The following LRRC75A variants were observed in gnomAD, a reference collection of about 807,000 sequenced individuals.
LRRC75A encodes the protein leucine-rich repeat-containing protein 75A.
A neutral mutation model predicts 26.0 loss-of-function variants in LRRC75A; 12 were observed. The ratio of observed to expected loss-of-function variants is 0.46; its 90% CI spans 0.30 to 0.75. The LOEUF is 0.75. Among genes scored for constraint, LRRC75A ranks in the 30% least tolerant of loss-of-function variants. The probability of loss-of-function intolerance (pLI) is 0.08; values close to 1 mark genes in which losing one functional copy is unlikely to be tolerated. For missense variants in LRRC75A, 410 were observed against 486.6 expected (o/e 0.84, Z 1.48); for synonymous variants, 223 against 219.3 (o/e 1.02, Z -0.15).
Position 16,443,759 on chromosome 17 carries a change from G to A in LRRC75A, c.864C>T (p.Arg288=). ...PQPFLLSLRK[R]SPKQGHLPTI... ...TGGGTAGGTGGCCCTGCTTTGGGGA[G>A]CGCTTGCGCAGGCTGAGCAGGAAGG... The change falls in exon 4 of 4, where the codon CGC becomes CGT. Residue 288 remains arginine, a synonymous_variant. Transcript: ENST00000470794. 1 of 1,613,782 alleles carries A rather than the reference G, an allele frequency of 6.2e-7. No homozygotes were observed. Among genetic ancestry groups the A allele is most frequent in the Non-Finnish European group, 8.5e-7 (1 of 1,179,728 alleles).
chr17:16,451,935 C>T (rs1568954302), intron 2 of LRRC75A, among the ~76,000 whole-genome samples: 1 of 150,570 alleles, frequency 6.6e-6, no homozygotes, highest in African/African-American at 2.4e-5. Flanking sequence ...TTAGTAGAGA[C>T]GGGGGGTCTC....
At position 16,491,520 on chromosome 17, in the gene LRRC75A, C is replaced by A. The variant is rs564008230; in HGVS notation, c.246+225G>T. 1.3e-5 allele frequency among the ~76,000 whole-genome samples: 2 copies of A among 152,348 alleles called. No individual in the cohort carries two copies. Among genetic ancestry groups the A allele is most frequent in the African/African-American group, 2.4e-5 (1 of 41,596 alleles). On this transcript the variant is annotated intron_variant, in intron 1 of 3. Coordinates refer to ENST00000470794, the MANE Select transcript of LRRC75A (RefSeq NM_001113567.3). This position sits in a 1 kb window ranked among gnomAD's most constrained non-coding sequence, Gnocchi z 5.9. ...GGACATTATGCCAACAGGTCCCCTT[C>A]GGCGGGCCTCACCCGGCCAGCCTTC...
rs140109200 is a variant in LRRC75A at position 16,471,921 on chromosome 17, G to C, written c.247-9535C>G. ...GCAGTTGCTGGGACTGGGGAAGGGG[G>C]AATTCGTGTTGGGTGGGGACAGGGT... On this transcript the variant is annotated intron_variant, in intron 1 of 3. Transcript: ENST00000470794. Among the ~76,000 whole-genome samples the C allele has an allele frequency of 4.3e-3, 652 of 152,258 alleles. 4 individuals are homozygous for C. The highest frequency in any genetic ancestry group is 0.015 in the African/African-American group (619 of 41,556).
chr17:16,455,047 C>T (rs2093665946), intron 2 of LRRC75A, among the ~76,000 whole-genome samples: 1 of 151,800 alleles, frequency 6.6e-6, no homozygotes. Flanking sequence ...ATTCTCCTGG[C>T]TTAGCCTCCC....
At position 16,442,376 on chromosome 17, in the gene LRRC75A, A is replaced by C. The variant is rs1050740100; in HGVS notation, c.*1212T>G. ...AGGCCTGTCAAGAGGGTCCTCCCCC[A>C]TACTGTTTGCCCACAAGGTTCAAGA... On this transcript the variant is annotated 3_prime_UTR_variant, in exon 4 of 4. Coordinates refer to ENST00000470794, the MANE Select transcript of LRRC75A (RefSeq NM_001113567.3). 2 of 152,280 alleles carry C rather than the reference A, an allele frequency of 1.3e-5. No individual in the cohort carries two copies. Among genetic ancestry groups the C allele is most frequent in the Non-Finnish European group, 2.9e-5 (2 of 68,112 alleles). The allele number at this position is 152,280 out of a possible 1,614,324, so 9.4% of individuals were successfully genotyped here. A position where few individuals can be genotyped will look rare whatever the true frequency, so the allele number is the denominator to read the frequency against.
At chr17:16,463,281 G>A (rs2093741834) in intron 1 of LRRC75A, 1 of 152,164 alleles carries the variant, frequency 6.6e-6, no homozygotes, top group Non-Finnish European at 1.5e-5. Context: ...CCTGGGGTGG[G>A]GACTAAACTT....
chr17:16,449,695 C>T (rs1424196742), intron 2 of LRRC75A, among the ~76,000 whole-genome samples: 1 of 152,196 alleles, frequency 6.6e-6, no homozygotes, highest in Non-Finnish European at 1.5e-5. Flanking sequence ...CGGCTCACTG[C>T]AACCTCCGCC....
At chr17:16,477,885 ACTGAGTTTGT>A (rs1043600900) in intron 1 of LRRC75A, among the ~76,000 whole-genome samples, 1 of 152,076 alleles carries the variant, frequency 6.6e-6, no homozygotes, top group African/African-American at 2.4e-5. Context: ...CTCAGTGGTC[ACTGAGTTTGT>A]CTACAGCTTC....
intron 1 of LRRC75A, among the ~76,000 whole-genome samples, chr17:16,472,173 C>G (rs1047308084): frequency 1.3e-5 from 2 of 152,096 alleles, no homozygotes; most frequent in African/African-American, 4.8e-5. Flanking sequence ...GGCAGGATTT[C>G]TGGACCACAA....
intron 2 of LRRC75A, among the ~76,000 whole-genome samples, chr17:16,461,558 G>C (rs2093727603): frequency 6.6e-6 from 1 of 152,238 alleles, no homozygotes; most frequent in Admixed American, 6.5e-5. Context: ...TGCAGATCTG[G>C]AGCCTGGAGA....
At chr17:16,467,626 A>G (rs1357718187) in intron 1 of LRRC75A, among the ~76,000 whole-genome samples, 2 of 152,190 alleles carry the variant, frequency 1.3e-5, no homozygotes, top group South Asian at 2.1e-4. Flanking sequence ...TCCCTGCAAA[A>G]TATCGCAGAC....
chr17:16,479,527 G>C (rs1263334840), intron 1 of LRRC75A, among the ~76,000 whole-genome samples: 3 of 152,236 alleles, frequency 2.0e-5, no homozygotes, highest in Non-Finnish European at 4.4e-5. Flanking sequence ...CAACCAGACA[G>C]GCACCTTCTT....
chr17:16,449,046 A>T (rs2093609872), intron 2 of LRRC75A, among the ~76,000 whole-genome samples: 2 of 152,202 alleles, frequency 1.3e-5, no homozygotes, highest in South Asian at 4.1e-4. Context: ...CCAGGGAGTG[A>T]GGACCAAAAG....
chr17:16,464,164 G>A (rs1317711796), intron 1 of LRRC75A, among the ~76,000 whole-genome samples: 1 of 152,180 alleles, frequency 6.6e-6, no homozygotes, highest in African/African-American at 2.4e-5. Context: ...TTTTCCATAT[G>A]GCAGGAATGA....
intron 1 of LRRC75A, among the ~76,000 whole-genome samples, chr17:16,479,794 T>G (rs2093829410): frequency 6.6e-6 from 1 of 152,212 alleles, no homozygotes; most frequent in Non-Finnish European, 1.5e-5. Flanking sequence ...CCTCCAACAC[T>G]AGGTCATCAT....
At chr17:16,480,048 A>G (rs2093830020) in intron 1 of LRRC75A, among the ~76,000 whole-genome samples, 1 of 152,158 alleles carries the variant, frequency 6.6e-6, no homozygotes, top group South Asian at 2.1e-4. Context: ...TAACCTGCAC[A>G]CGTGAGGGAT....
chr17:16,472,174 T>C (rs1371059819), intron 1 of LRRC75A, among the ~76,000 whole-genome samples: 1 of 152,146 alleles, frequency 6.6e-6, no homozygotes, highest in Non-Finnish European at 1.5e-5. Flanking sequence ...GCAGGATTTC[T>C]GGACCACAAG....
At chr17:16,449,864 G>A (rs1039638492) in intron 2 of LRRC75A, among the ~76,000 whole-genome samples, 5 of 152,102 alleles carry the variant, frequency 3.3e-5, no homozygotes, top group South Asian at 2.1e-4. Flanking sequence ...TGATCCACCC[G>A]CCTTGGCCTC....
chr17:16,482,365 G>A (rs1178512261), intron 1 of LRRC75A, among the ~76,000 whole-genome samples: 1 of 152,140 alleles, frequency 6.6e-6, no homozygotes, highest in African/African-American at 2.4e-5. Flanking sequence ...AATGTGCCTG[G>A]AGGGGGCACT....
Sources: allele counts gnomAD v4.1 joint callset (sites outside exome capture counted in the v4.1 genomes callset), GRCh38; gene constraint gnomAD v4.1.1; non-coding constraint Gnocchi (gnomAD v3.1); transcripts MANE v1.5; gene names NCBI Gene and HGNC (gene_info 2026-07-23, HGNC 2026-07-21).